ICE1: variants seen among roughly 807,000 people sequenced by gnomAD.
The protein encoded by ICE1 is interactor of little elongation complex ELL subunit 1.
In ICE1, 64 loss-of-function variants were observed where a neutral mutation model predicts 192.7. That is an observed-to-expected ratio of 0.33 (90% CI 0.27 to 0.41). The LOEUF is 0.41. Ranked by LOEUF, ICE1 falls within the 10% of genes least tolerant of loss-of-function variation. The probability of loss-of-function intolerance (pLI) is 1.00; values close to 1 mark genes in which losing one functional copy is unlikely to be tolerated. For synonymous variants in ICE1, 1,010 were observed against 984.5 expected (o/e 1.03, Z -0.49); for missense variants, 2,708 against 2,696.0 (o/e 1.00, Z -0.10).
Position 5,462,296 on chromosome 5 carries a change from C to G in ICE1, c.2962C>G (p.Gln988Glu). The G allele has an allele frequency of 6.2e-7, 1 of 1,613,866 alleles. No homozygotes were observed. Among genetic ancestry groups the G allele is most frequent in the Non-Finnish European group, 8.5e-7 (1 of 1,179,840 alleles). The change falls in exon 13 of 19, where the codon CAG becomes GAG. Residue 988 changes from glutamine to glutamate, a missense_variant. Around this residue, in one of 2 missense-constraint regions of ICE1, gnomAD observed 2,366 missense variants for 2,276.6 expected, o/e 1.04. Coordinates refer to ENST00000296564, the MANE Select transcript of ICE1 (RefSeq NM_015325.3). The part of the protein sequence containing the change: ...QGDGQKQRQP[Q>E]ATDLDSSGTH... ...AGATGGGCAGAAGCAAAGGCAGCCT[C>G]AGGCCACAGATCTGGACTCCAGTGG...
chr5:5,444,407 AAATAGT>A, intron 7 of ICE1, 81 bp downstream of exon 7: 1 of 953,794 alleles, frequency 1.0e-6, no homozygotes, highest in Non-Finnish European at 1.6e-6. Context: ...CTTCTTGATC[AAATAGT>A]TGAATTGTTA....
In ICE1 at chr5:5,462,318, G is replaced by C; in HGVS notation, c.2984G>C (p.Ser995Thr). Residue 995 changes from serine to threonine, a missense_variant, in exon 13 of 19, where the codon AGT becomes ACT. By Grantham distance (58) the Ser-to-Thr change is moderately conservative. Coordinates refer to ENST00000296564, the MANE Select transcript of ICE1 (RefSeq NM_015325.3). ...CCTCAGGCCACAGATCTGGACTCCA[G>C]TGGGACACATGGCAGTGAGATGCTT... ...RQPQATDLDS[S>T]GTHGSEMLPA... 1 of 1,613,986 alleles carries C rather than the reference G, an allele frequency of 6.2e-7. No individual in the cohort carries two copies. The highest frequency in any genetic ancestry group is 8.5e-7 in the Non-Finnish European group (1 of 1,179,888).
Position 5,463,201 on chromosome 5 carries a change from T to C in ICE1, c.3867T>C (p.Asn1289=). The change falls in exon 13 of 19, where the codon AAT becomes AAC. Residue 1289 remains asparagine, a synonymous_variant. Coordinates refer to ENST00000296564, the MANE Select transcript of ICE1 (RefSeq NM_015325.3). ...ATACTGGCAGTTTATTGCTCTTAAATGTAAATAACAACATGACCACTGAGA... is the reference window on the plus strand; with the variant it reads ...ATACTGGCAGTTTATTGCTCTTAAACGTAAATAACAACATGACCACTGAGA... ...GKDTGSLLLL[N]VNNNMTTENL... is the part of the protein sequence containing the mutation. 1 of 1,611,628 alleles carries C rather than the reference T, an allele frequency of 6.2e-7. No homozygotes were observed. Among genetic ancestry groups the C allele is most frequent in the Non-Finnish European group, 8.5e-7 (1 of 1,179,100 alleles).
rs1326099677 is a variant in ICE1 at position 5,462,463 on chromosome 5, A to G, written c.3129A>G (p.Gln1043=). Residue 1043 remains glutamine, a synonymous_variant, in exon 13 of 19, where the codon CAA becomes CAG. Transcript: ENST00000296564. ...CAAATGATTCTACCAGCACACCACA[A>G]AATGCTAATGGACTTTGGAAATTGA... is the stretch of plus-strand genomic sequence containing the variant. ...AVANDSTSTP[Q]NANGLWKLKS... 1.9e-6 allele frequency: 3 copies of G among 1,613,846 alleles called. No homozygotes were observed. Among genetic ancestry groups the G allele is most frequent in the East Asian group, 4.5e-5 (2 of 44,884 alleles).
chr5:5,428,538 A>G (rs1737597983), intron 1 of ICE1, among the ~76,000 whole-genome samples: 1 of 152,218 alleles, frequency 6.6e-6, no homozygotes, highest in Non-Finnish European at 1.5e-5. Context: ...GATGTTCTCA[A>G]ATTCACAAAT....
At chr5:5,430,295 T>C (rs1041003523) in intron 1 of ICE1, among the ~76,000 whole-genome samples, 7 of 152,020 alleles carry the variant, frequency 4.6e-5, no homozygotes, top group African/African-American at 1.4e-4. Context: ...TGAATCTGAT[T>C]GGAGGAAAAA....
In ICE1 at chr5:5,457,503, G is replaced by A; in HGVS notation, c.863G>A (p.Ser288Asn). 1 of 1,613,998 alleles carries A rather than the reference G, an allele frequency of 6.2e-7. No individual in the cohort carries two copies. The highest frequency in any genetic ancestry group is 8.5e-7 in the Non-Finnish European group (1 of 1,179,890). The change falls in exon 12 of 19, where the codon AGT becomes AAT. Residue 288 changes from serine to asparagine, a missense_variant. Around this residue, in one of 2 missense-constraint regions of ICE1, gnomAD observed 2,366 missense variants for 2,276.6 expected, o/e 1.04. Transcript: ENST00000296564. ...CAAAATGTGGAAAAACAGAGCTCCA[G>A]TGGAACAAATTGTAGTTCTGACCAT... is the stretch of plus-strand genomic sequence containing the variant. The part of the protein sequence containing the change: ...LCQNVEKQSS[S>N]GTNCSSDHVF...
At position 5,441,102 on chromosome 5, in the gene ICE1, T is replaced by C; in HGVS notation, c.198-10T>C. 1 of 1,451,170 alleles carries C rather than the reference T, an allele frequency of 6.9e-7. No homozygotes were observed. The highest frequency in any genetic ancestry group is 9.5e-7 in the Non-Finnish European group (1 of 1,057,298). 89.9% of individuals were successfully genotyped at this position (1,451,170 alleles called of 1,614,324 possible). On this transcript the variant is annotated splice_polypyrimidine_tract_variant and intron_variant, in intron 4 of 18. Coordinates refer to ENST00000296564, the MANE Select transcript of ICE1 (RefSeq NM_015325.3). ...CCTTTTCTGTAATAATGTTAATTCA[T>C]TGTCTTTAGAGAGAATAGTAATCTG... is the stretch of plus-strand genomic sequence containing the variant.
At chr5:5,483,395 G>A (rs1461005998) in intron 17 of ICE1, among the ~76,000 whole-genome samples, 6 of 152,208 alleles carry the variant, frequency 3.9e-5, no homozygotes, top group Non-Finnish European at 8.8e-5. Context: ...GTTATCTAAT[G>A]TTGGATTCAG....
intron 5 of ICE1, among the ~76,000 whole-genome samples, chr5:5,441,910 A>G (rs1008453892): frequency 6.6e-6 from 1 of 152,158 alleles, no homozygotes; most frequent in East Asian, 1.9e-4. Context: ...GTCTTTCAAT[A>G]ATGCTTTTAT....
intron 17 of ICE1, 56 bp downstream of exon 17, chr5:5,476,135 G>C: frequency 1.0e-6 from 1 of 974,730 alleles, no homozygotes; most frequent in East Asian, 2.9e-5. Flanking sequence ...TTGGTGGAAG[G>C]CTGGGGGGTT....
At chr5:5,438,356 TATC>T (rs1382682446) in intron 3 of ICE1, among the ~76,000 whole-genome samples, 1 of 152,214 alleles carries the variant, frequency 6.6e-6, no homozygotes, top group African/African-American at 2.4e-5. Flanking sequence ...AGCCAGACCA[TATC>T]ATCATTTCTA....
intron 11 of ICE1, among the ~76,000 whole-genome samples, chr5:5,455,777 A>AT (rs1333241035): frequency 6.6e-6 from 1 of 152,116 alleles, no homozygotes; most frequent in East Asian, 1.9e-4. Flanking sequence ...AGATTGCAGG[A>AT]TTTTTAACAT....
chr5:5,429,698 T>A (rs1308736553), intron 1 of ICE1, among the ~76,000 whole-genome samples: 1 of 152,222 alleles, frequency 6.6e-6, no homozygotes, highest in East Asian at 1.9e-4. Flanking sequence ...ATGTCTTCTG[T>A]CATGTCCTCT....
At position 5,447,892 on chromosome 5, in the gene ICE1, A is replaced by G; in HGVS notation, c.599A>G (p.Asp200Gly). The change falls in exon 10 of 19, where the codon GAT becomes GGT. Residue 200 changes from aspartate to glycine, a missense_variant. By Grantham distance (94) the Asp-to-Gly change is moderately conservative. Around this residue, in one of 2 missense-constraint regions of ICE1, gnomAD observed 2,366 missense variants for 2,276.6 expected, o/e 1.04. Transcript: ENST00000296564. ...QISSDSYGSIDKRKVKLLLKE... is the reference protein window; with the variant it reads ...QISSDSYGSIGKRKVKLLLKE... The stretch of plus-strand genomic sequence containing the variant: ...TCAAGTGATTCATATGGAAGCATAG[A>G]TAAAAGTGAGTATATTGCAACTTTT... The G allele has an allele frequency of 6.4e-7, 1 of 1,567,064 alleles. No individual in the cohort carries two copies. The highest frequency in any genetic ancestry group is 8.7e-7 in the Non-Finnish European group (1 of 1,153,216).
At chr5:5,435,212 C>T (rs1467170527) in intron 1 of ICE1, among the ~76,000 whole-genome samples, 2 of 152,146 alleles carry the variant, frequency 1.3e-5, no homozygotes, top group Non-Finnish European at 2.9e-5. Flanking sequence ...GTTAAAAACA[C>T]GCTGAGTGAT....
chr5:5,442,961 T>C (rs1738092255), intron 5 of ICE1, among the ~76,000 whole-genome samples: 1 of 152,232 alleles, frequency 6.6e-6, no homozygotes, highest in Admixed American at 6.5e-5. Flanking sequence ...TATATTGTTT[T>C]TAAGTTTTAT....
chr5:5,478,341 G>A (rs368858827), intron 17 of ICE1, among the ~76,000 whole-genome samples: 5 of 151,668 alleles, frequency 3.3e-5, no homozygotes, highest in African/African-American at 7.2e-5. Flanking sequence ...GCTAAATCAT[G>A]TGTGAACTCC....
At chr5:5,473,976 C>T (rs918757534) in intron 16 of ICE1, among the ~76,000 whole-genome samples, 2 of 151,922 alleles carry the variant, frequency 1.3e-5, no homozygotes, top group Non-Finnish European at 1.5e-5. Context: ...TTTGGGAGGC[C>T]GAGGTGGGCA....
Sources: allele counts gnomAD v4.1 joint callset (sites outside exome capture counted in the v4.1 genomes callset), GRCh38; gene constraint gnomAD v4.1.1; regional missense constraint gnomAD v4.1.1; transcripts MANE v1.5; gene names NCBI Gene and HGNC (gene_info 2026-07-23, HGNC 2026-07-21).